ARHGAP15: variants seen among roughly 807,000 people sequenced by gnomAD.
ARHGAP15 encodes rho GTPase-activating protein 15.
ARHGAP15 carries 51 observed loss-of-function variants against 63.7 expected under a neutral mutation model. That is an observed-to-expected ratio of 0.80 (90% CI 0.64 to 1.01). The LOEUF (loss-of-function observed/expected upper bound fraction) is 1.01, where lower values mean the gene tolerates loss of function less well. ARHGAP15 is among the 50% of genes least tolerant of loss of function. The pLI is 0.00. For missense variants in ARHGAP15, 560 were observed against 564.6 expected (o/e 0.99, Z 0.08); for synonymous variants, 191 against 193.8 (o/e 0.99, Z 0.12).
At chr2:143,134,182 CATCTATCT>C (rs70982843) in intron 1 of ARHGAP15, among the ~76,000 whole-genome samples, 1 of 123,230 alleles carries the variant, frequency 8.1e-6, no homozygotes, top group African/African-American at 2.7e-5. Flanking sequence ...ATCTATCTAT[CATCTATCT>C]ATCTACCTAT....
chr2:143,637,966 A>G (rs1443740337), intron 12 of ARHGAP15, among the ~76,000 whole-genome samples: 5 of 151,836 alleles, frequency 3.3e-5, no homozygotes, highest in African/African-American at 1.2e-4. Context: ...ATCTCACACC[A>G]GTTAGAATGG....
At chr2:143,454,029 T>A (rs1456125131) in intron 8 of ARHGAP15, among the ~76,000 whole-genome samples, 3 of 152,146 alleles carry the variant, frequency 2.0e-5, no homozygotes, top group African/African-American at 7.2e-5. Context: ...AAGAAATTAC[T>A]TATCAGCATT....
chr2:143,673,724 G>T (rs1218431902), intron 12 of ARHGAP15, among the ~76,000 whole-genome samples: 1 of 41,612 alleles, frequency 2.4e-5, no homozygotes, highest in Non-Finnish European at 5.0e-5. Context: ...GCCTTATATT[G>T]TGTGTGTGTG....
intron 11 of ARHGAP15, among the ~76,000 whole-genome samples, chr2:143,619,767 C>A (rs561343066): frequency 2.0e-5 from 3 of 152,188 alleles, no homozygotes; most frequent in Non-Finnish European, 4.4e-5. Flanking sequence ...GTGTATAGCA[C>A]TTTCCTCTTC....
At chr2:143,562,757 A>G (rs1005240513) in intron 11 of ARHGAP15, among the ~76,000 whole-genome samples, 2 of 152,194 alleles carry the variant, frequency 1.3e-5, no homozygotes, top group Non-Finnish European at 2.9e-5. Flanking sequence ...TTGATGAAGC[A>G]TGTATTGTTT....
intron 10 of ARHGAP15, among the ~76,000 whole-genome samples, chr2:143,550,163 A>G (rs1484080927): frequency 6.6e-6 from 1 of 152,180 alleles, no homozygotes. Flanking sequence ...TTAATCCAAG[A>G]GCAAAAGCAA....
intron 6 of ARHGAP15, among the ~76,000 whole-genome samples, chr2:143,270,182 G>A (rs954798499): frequency 4.6e-5 from 7 of 152,046 alleles, no homozygotes; most frequent in Admixed American, 4.6e-4. Context: ...CGTTGGCCAG[G>A]CTGGTCTCTA....
intron 13 of ARHGAP15, among the ~76,000 whole-genome samples, chr2:143,716,142 C>G (rs549188652): frequency 6.6e-6 from 1 of 152,002 alleles, no homozygotes; most frequent in Admixed American, 6.5e-5. Context: ...TGTAACAAAC[C>G]GGCACATCCT....
intron 6 of ARHGAP15, among the ~76,000 whole-genome samples, chr2:143,340,093 G>A (rs1029630566): frequency 2.0e-5 from 3 of 152,036 alleles, no homozygotes; most frequent in African/African-American, 7.2e-5. Context: ...GAAGCAATAC[G>A]TATATGAAAA....
chr2:143,159,566 C>T (rs760055328), intron 2 of ARHGAP15, among the ~76,000 whole-genome samples: 3 of 151,878 alleles, frequency 2.0e-5, no homozygotes, highest in East Asian at 1.9e-4. Context: ...GGTAATTGCC[C>T]GTATTGGTTT....
chr2:143,561,685 T>C (rs1696035587), intron 11 of ARHGAP15, among the ~76,000 whole-genome samples: 1 of 151,968 alleles, frequency 6.6e-6, no homozygotes, highest in African/African-American at 2.4e-5. Context: ...TCGGCTAATA[T>C]TTGTATTTTT....
At chr2:143,421,644 A>T (rs1164254677) in intron 6 of ARHGAP15, among the ~76,000 whole-genome samples, 1 of 152,044 alleles carries the variant, frequency 6.6e-6, no homozygotes, top group African/African-American at 2.4e-5. Flanking sequence ...AATTAAAGAA[A>T]AAAAGAAACC....
At chr2:143,752,189 A>G (rs1686402696) in intron 13 of ARHGAP15, among the ~76,000 whole-genome samples, 1 of 152,066 alleles carries the variant, frequency 6.6e-6, no homozygotes, top group Admixed American at 6.6e-5. Flanking sequence ...CTCTATTACC[A>G]GTGTCTCAGC....
chr2:143,682,617 A>G (rs970705802), intron 12 of ARHGAP15: 2 of 152,184 alleles, frequency 1.3e-5, no homozygotes, highest in Admixed American at 6.5e-5. Context: ...GCCTAAAACT[A>G]CAACCAAAAG....
chr2:143,526,419 T>C (rs1046876327), intron 10 of ARHGAP15, among the ~76,000 whole-genome samples: 1 of 151,500 alleles, frequency 6.6e-6, no homozygotes, highest in Non-Finnish European at 1.5e-5. Flanking sequence ...TTTAGGTTCT[T>C]AACATACTTT....
chr2:143,727,596 A>G (rs909872879), intron 13 of ARHGAP15, among the ~76,000 whole-genome samples: 2 of 152,198 alleles, frequency 1.3e-5, no homozygotes, highest in Non-Finnish European at 2.9e-5. Context: ...ACATAGATAT[A>G]CTTTAGACAG....
At chr2:143,560,296 C>T (rs1015607429) in intron 11 of ARHGAP15, among the ~76,000 whole-genome samples, 2 of 152,136 alleles carry the variant, frequency 1.3e-5, no homozygotes, top group South Asian at 2.1e-4. Context: ...AAGTAAGCAG[C>T]ATTTTCATAA....
intron 13 of ARHGAP15, among the ~76,000 whole-genome samples, chr2:143,740,042 CTCT>C (rs1204853005): frequency 3.9e-5 from 6 of 152,034 alleles, no homozygotes; most frequent in Non-Finnish European, 5.9e-5. Context: ...GAATTTGGTT[CTCT>C]TTTTTTCTAG....
chr2:143,605,699 G>C (rs1025104179), intron 11 of ARHGAP15, among the ~76,000 whole-genome samples: 15 of 151,362 alleles, frequency 9.9e-5, no homozygotes, highest in African/African-American at 3.6e-4. Flanking sequence ...GGGCCACAGG[G>C]AGCCAATTGA....
Sources: allele counts gnomAD v4.1 joint callset (sites outside exome capture counted in the v4.1 genomes callset), GRCh38; gene constraint gnomAD v4.1.1; transcripts MANE v1.5; gene names NCBI Gene and HGNC (gene_info 2026-07-23, HGNC 2026-07-21).